ADAM20: variants seen among roughly 807,000 people sequenced by gnomAD.
ADAM20 encodes ADAM metallopeptidase domain 20.
For missense variants in ADAM20, 871 were observed against 883.2 expected (o/e 0.99, Z 0.18); for synonymous variants, 305 against 310.2 (o/e 0.98, Z 0.18).
chr14:70,523,144 T>C lies in ADAM20; in HGVS notation c.1614A>G (p.Gly538=), dbSNP rs762088675. The C allele has an allele frequency of 6.2e-7, 1 of 1,614,026 alleles. No individual in the cohort carries two copies. Residue 538 remains glycine (G), a synonymous_variant, in exon 2 of 2, where the codon GGA becomes GGG. Coordinates refer to ENST00000256389, the MANE Select transcript of ADAM20 (RefSeq NM_003814.5). The part of the protein sequence containing the change: ...QSCYQEINTQ[G]NRFGHCGIVG... Reference sequence around the variant, plus strand: ...CAATACCACAGTGACCGAAACGGTTTCCTTGGGTGTTGATTTCTTGGTAGC... The same window carrying C: ...CAATACCACAGTGACCGAAACGGTTCCCTTGGGTGTTGATTTCTTGGTAGC...
intron 1 of ADAM20, among the ~76,000 whole-genome samples, chr14:70,533,223 C>T (rs1293804293): frequency 6.6e-6 from 1 of 152,076 alleles, no homozygotes; most frequent in Non-Finnish European, 1.5e-5. Context: ...CCAGATATAC[C>T]ATTTAACCCA....
At chr14:70,565,378 T>C in the ADAM20 span, among the ~76,000 whole-genome samples, 1 of 152,086 alleles carries the variant, frequency 6.6e-6, no homozygotes, top group African/African-American at 2.4e-5. Flanking sequence ...GACTCAATAA[T>C]TCCCAAATCT....
the ADAM20 span, among the ~76,000 whole-genome samples, chr14:70,576,574 T>C: frequency 2.6e-5 from 4 of 152,060 alleles, no homozygotes; most frequent in Admixed American, 6.5e-5. Flanking sequence ...ATGTACTCAA[T>C]AGCCATAAAC....
chr14:70,562,501 C>T, the ADAM20 span, among the ~76,000 whole-genome samples: 1 of 152,270 alleles, frequency 6.6e-6, no homozygotes, highest in East Asian at 1.9e-4. Context: ...GTGAGAATGA[C>T]ATGAGATTTG....
chr14:70,538,501 T>C (rs1311747109), upstream of ADAM20, among the ~76,000 whole-genome samples: 1 of 152,236 alleles, frequency 6.6e-6, no homozygotes, highest in Non-Finnish European at 1.5e-5. Flanking sequence ...AAGGCCTTTA[T>C]GTTTTTCTCT....
chr14:70,544,299 C>T, the ADAM20 span, among the ~76,000 whole-genome samples: 4 of 152,284 alleles, frequency 2.6e-5, no homozygotes, highest in Non-Finnish European at 4.4e-5. Context: ...ACTGTTGAGC[C>T]GCTTTTCATG....
At chr14:70,567,936 C>T in the ADAM20 span, among the ~76,000 whole-genome samples, 1 of 152,118 alleles carries the variant, frequency 6.6e-6, no homozygotes, top group Admixed American at 6.5e-5. Context: ...TCTCAGCGGG[C>T]CCCAACAAGA....
rs771834426 is a variant in ADAM20 at position 70,523,900 on chromosome 14, G to T, written c.858C>A (p.Asn286Lys). The T allele has an allele frequency of 1.2e-6, 2 of 1,613,896 alleles. No homozygotes were observed. Among genetic ancestry groups the T allele is most frequent in the East Asian group, 4.5e-5 (2 of 44,882 alleles). Residue 286 changes from asparagine (N) to lysine (K), a missense_variant, in exon 2 of 2, where the codon AAC (asparagine) becomes AAA (lysine). Transcript: ENST00000256389. ...LEDFSIWKNY[N>K]LNNRLQHDVA... ...CATCATGTTGTAGTCGATTATTAAG[G>T]TTATAATTCTTCCAAATAGAAAAGT...
chr14:70,543,829 C>T, the ADAM20 span, among the ~76,000 whole-genome samples: 24,980 of 152,078 alleles, frequency 0.16, 2,971 homozygotes, highest in East Asian at 0.49. Flanking sequence ...CGCCATCCCT[C>T]GTCCTTTTTA....
At chr14:70,572,056 A>G in the ADAM20 span, among the ~76,000 whole-genome samples, 1 of 152,242 alleles carries the variant, frequency 6.6e-6, no homozygotes, top group African/African-American at 2.4e-5. Flanking sequence ...CAAACTGCCA[A>G]AAGATATCTA....
the ADAM20 span, among the ~76,000 whole-genome samples, chr14:70,574,973 A>G: frequency 4.6e-5 from 7 of 152,016 alleles, no homozygotes; most frequent in African/African-American, 1.7e-4. Flanking sequence ...ACTTTAATGA[A>G]GCACCAAAAA....
At chr14:70,534,184 A>C (rs1883781350) in intron 1 of ADAM20, among the ~76,000 whole-genome samples, 2 of 151,292 alleles carry the variant, frequency 1.3e-5, no homozygotes, top group South Asian at 4.2e-4. Flanking sequence ...GTTTTATTTT[A>C]TACTTATAGA....
chr14:70,561,632 CA>C, the ADAM20 span, among the ~76,000 whole-genome samples: 1 of 152,376 alleles, frequency 6.6e-6, no homozygotes, highest in Non-Finnish European at 1.5e-5. Context: ...GGGCAAGGCC[CA>C]GGGCCCAACT....
chr14:70,575,983 C>G, the ADAM20 span, among the ~76,000 whole-genome samples: 1 of 152,136 alleles, frequency 6.6e-6, no homozygotes, highest in African/African-American at 2.4e-5. Flanking sequence ...AAGGAAAATA[C>G]AACAGACTAA....
chr14:70,533,469 AAGCCACCATTCTC>A (rs781393911), intron 1 of ADAM20, among the ~76,000 whole-genome samples: 2 of 152,222 alleles, frequency 1.3e-5, no homozygotes, highest in Non-Finnish European at 2.9e-5. Flanking sequence ...ATGAAGCTGG[AAGCCACCATTCTC>A]AGCAAACTAA....
At chr14:70,570,157 G>C in the ADAM20 span, among the ~76,000 whole-genome samples, 2 of 151,936 alleles carry the variant, frequency 1.3e-5, no homozygotes, top group African/African-American at 2.4e-5. Flanking sequence ...GTGTTTAAAG[G>C]AAAGTTTATA....
the ADAM20 span, among the ~76,000 whole-genome samples, chr14:70,555,526 G>A: frequency 2.0e-5 from 3 of 152,136 alleles, no homozygotes; most frequent in South Asian, 2.1e-4. Context: ...TCTTTCTTGG[G>A]AAACTCTTGC....
At chr14:70,531,943 C>G (rs1883720303) in intron 1 of ADAM20, among the ~76,000 whole-genome samples, 1 of 151,952 alleles carries the variant, frequency 6.6e-6, no homozygotes, top group Admixed American at 6.6e-5. Context: ...TCTACAGATT[C>G]AATAGAATCC....
the ADAM20 span, among the ~76,000 whole-genome samples, chr14:70,574,123 C>A: frequency 1.4e-4 from 21 of 152,030 alleles, no homozygotes; most frequent in Non-Finnish European, 8.8e-5. Flanking sequence ...CAAGTTTTAA[C>A]AGATTAAAGA....
Sources: allele counts gnomAD v4.1 joint callset (sites outside exome capture counted in the v4.1 genomes callset), GRCh38; gene constraint gnomAD v4.1.1; transcripts MANE v1.5; gene names NCBI Gene and HGNC (gene_info 2026-07-23, HGNC 2026-07-21).